GALNT8: variants seen among roughly 807,000 people sequenced by gnomAD.
GALNT8 encodes polypeptide N-acetylgalactosaminyltransferase 8.
GALNT8 carries 66 observed loss-of-function variants against 62.7 expected under a neutral mutation model. The ratio of observed to expected loss-of-function variants is 1.05; its 90% CI spans 0.86 to 1.29. The LOEUF is 1.29. Ranked by LOEUF, GALNT8 falls within the 50% of genes most tolerant of loss-of-function variation. The pLI, the probability that GALNT8 is intolerant of heterozygous loss-of-function variation, is 0.00. For synonymous variants in GALNT8, 288 were observed against 294.3 expected (o/e 0.98, Z 0.22); for missense variants, 771 against 791.8 (o/e 0.97, Z 0.32).
chr12:4,764,102 C>T, intron 9 of GALNT8, 55 bp downstream of exon 9: 1 of 966,178 alleles, frequency 1.0e-6, no homozygotes. Flanking sequence ...TGGCTCAGCC[C>T]CTGGTAACCA....
intron 3 of GALNT8, among the ~76,000 whole-genome samples, chr12:4,740,343 AT>A (rs1946266612): frequency 1.3e-5 from 2 of 152,230 alleles, no homozygotes; most frequent in Admixed American, 1.3e-4. Context: ...AATAATAACC[AT>A]TTTATGAACT....
chr12:4,754,074 TG>T (rs1946333658), intron 6 of GALNT8, among the ~76,000 whole-genome samples: 2 of 152,264 alleles, frequency 1.3e-5, no homozygotes, highest in Admixed American at 1.3e-4. Flanking sequence ...TACCTAAAGC[TG>T]GGGGTGGAGT....
At chr12:4,751,966 A>C (rs1946323963) in intron 6 of GALNT8, among the ~76,000 whole-genome samples, 1 of 152,178 alleles carries the variant, frequency 6.6e-6, no homozygotes. Context: ...AAATTGTTAT[A>C]GCCTCTGGCT....
Position 4,720,524 on chromosome 12 carries a change from C to T in GALNT8, c.-154C>T, listed in dbSNP as rs895146846. On this transcript the variant is annotated 5_prime_UTR_variant, in exon 1 of 11. Transcript: ENST00000252318. ...GAGACTTTGCTCCTCAGAGGCCACC[C>T]GTGGCTTCCCATGGGTGTCTCACAC... is the stretch of plus-strand genomic sequence containing the variant. The T allele has an allele frequency of 6.9e-5, 43 of 624,156 alleles. No homozygotes were observed. The highest frequency in any genetic ancestry group is 5.3e-4 in the African/African-American group (29 of 54,344). 38.7% of individuals were successfully genotyped at this position (624,156 alleles called of 1,614,324 possible). A position where few individuals can be genotyped will look rare whatever the true frequency, so the allele number is the denominator to read the frequency against.
chr12:4,754,176 G>A (rs985280560), intron 6 of GALNT8, among the ~76,000 whole-genome samples: 2 of 152,032 alleles, frequency 1.3e-5, no homozygotes, highest in African/African-American at 4.8e-5. Flanking sequence ...AAGGCCTGCT[G>A]TAACCACTCA....
intron 9 of GALNT8, among the ~76,000 whole-genome samples, chr12:4,764,606 C>T (rs1178206366): frequency 1.4e-5 from 2 of 141,630 alleles, no homozygotes; most frequent in African/African-American, 2.7e-5. Flanking sequence ...TGCAGTGGCG[C>T]GGTCTCAGCT....
chr12:4,745,449 G>T lies in GALNT8; in HGVS notation c.881G>T (p.Arg294Leu). 6.2e-7 allele frequency: 1 copy of T among 1,610,850 alleles called. No homozygotes were observed. Among genetic ancestry groups the T allele is most frequent in the Non-Finnish European group, 8.5e-7 (1 of 1,177,084 alleles). Residue 294 changes from arginine (R) to leucine (L), a missense_variant, in exon 5 of 11, where the codon CGG becomes CTG. Coordinates refer to ENST00000252318, the MANE Select transcript of GALNT8 (RefSeq NM_017417.2). ...NVGWAEPILARIQEDRTVIVS... is the reference protein window; with the variant it reads ...NVGWAEPILALIQEDRTVIVS... ...TCTAGGGCAGAGCCAATCTTGGCTC[G>T]GATTCAGGAGGACCGCACTGTGATT... is the stretch of plus-strand genomic sequence containing the variant.
At position 4,731,569 on chromosome 12, in the gene GALNT8, A is replaced by G. The variant is rs559284010; in HGVS notation, c.509+4740A>G. Among the ~76,000 whole-genome samples the G allele has an allele frequency of 2.0e-5, 3 of 152,308 alleles. No individual in the cohort carries two copies. In the East Asian group the frequency reaches 5.8e-4, roughly 29 times the overall value. ...GCATTCTTGTCTTGTTCCTGACCTTAGAGGAAAAGCTCTCAATTTTTCCTC... is the reference window on the plus strand; with the variant it reads ...GCATTCTTGTCTTGTTCCTGACCTTGGAGGAAAAGCTCTCAATTTTTCCTC... On this transcript the variant is annotated intron_variant, in intron 2 of 10. Transcript: ENST00000252318.
chr12:4,763,956 A>G lies in GALNT8; in HGVS notation c.1502A>G (p.Lys501Arg), dbSNP rs780760383. The G allele has an allele frequency of 2.6e-6, 4 of 1,548,242 alleles. No individual in the cohort carries two copies. The highest frequency in any genetic ancestry group is 3.6e-6 in the Non-Finnish European group (4 of 1,119,312). The change falls in exon 9 of 11, where the codon AAA becomes AGA. Residue 501 changes from lysine (K) to arginine (R), a missense_variant. Physicochemically the swap from Lys to Arg is conservative, Grantham distance 26. Transcript: ENST00000252318. ...CGTGTGTTTTGTCCCCTTCAGATGA[A>G]AAACCTATTGGATGAAAATGTCTGC... is the stretch of plus-strand genomic sequence containing the variant. ...LHTIVGYGRMKNLLDENVCLD... is the reference protein window; with the variant it reads ...LHTIVGYGRMRNLLDENVCLD...
intron 1 of GALNT8, among the ~76,000 whole-genome samples, chr12:4,723,769 T>TC (rs1174392629): frequency 2.0e-5 from 3 of 150,428 alleles, no homozygotes; most frequent in Non-Finnish European, 3.0e-5. Context: ...TTTTTTTTTT[T>TC]CCACAGAGCT....
chr12:4,744,409 C>T, intron 3 of GALNT8, 108 bp from the exon 4 acceptor site: 2 of 707,828 alleles, frequency 2.8e-6, no homozygotes, highest in East Asian at 2.7e-5. Flanking sequence ...TAGAATTGCC[C>T]ATTTTATGCT....
At chr12:4,768,232 T>C (rs1179745019) in intron 10 of GALNT8, among the ~76,000 whole-genome samples, 1 of 152,182 alleles carries the variant, frequency 6.6e-6, no homozygotes, top group African/African-American at 2.4e-5. Context: ...AAGATGCCAA[T>C]TTTCTTAGAT....
rs1438226636 is a variant in GALNT8 at position 4,720,446 on chromosome 12, A to G, written c.-232A>G. ...TGGAAAGCCGCTGAGCAACCTGTGGAAAGCCGCTGAGCGGTTATCCTCTCG... is the reference window on the plus strand; with the variant it reads ...TGGAAAGCCGCTGAGCAACCTGTGGGAAGCCGCTGAGCGGTTATCCTCTCG... On this transcript the variant is annotated 5_prime_UTR_variant, in exon 1 of 11. Transcript: ENST00000252318. The G allele has an allele frequency of 5.6e-6, 3 of 538,436 alleles. No individual in the cohort carries two copies. Among genetic ancestry groups the G allele is most frequent in the Non-Finnish European group, 1.0e-5 (3 of 299,302 alleles). The allele number at this position is 538,436 out of a possible 1,614,324, so 33.4% of individuals were successfully genotyped here.
chr12:4,742,265 T>G (rs1051083377), intron 3 of GALNT8, among the ~76,000 whole-genome samples: 2 of 152,244 alleles, frequency 1.3e-5, no homozygotes, highest in African/African-American at 4.8e-5. Flanking sequence ...GCCTCCTTTC[T>G]GTCTTTCCCT....
rs1430608929 is a variant in GALNT8 at position 4,720,901 on chromosome 12, T to G, written c.211+13T>G. ...TTGCAGGATCTGAGTAAGTTTACAA[T>G]GCTAACCTGGAAGGTGTGTGTGTGG... On this transcript the variant is annotated intron_variant, in intron 1 of 10. Transcript: ENST00000252318. 6.7e-7 allele frequency: 1 copy of G among 1,494,394 alleles called. No individual in the cohort carries two copies. Among genetic ancestry groups the G allele is most frequent in the Non-Finnish European group, 9.3e-7 (1 of 1,071,210 alleles). The allele number at this position is 1,494,394 out of a possible 1,614,324, so 92.6% of individuals were successfully genotyped here.
chr12:4,725,137 G>C (rs538810681), intron 1 of GALNT8, among the ~76,000 whole-genome samples: 4 of 152,350 alleles, frequency 2.6e-5, no homozygotes, highest in Non-Finnish European at 5.9e-5. Context: ...TCCTATGTCA[G>C]AGTGCCTTGA....
intron 3 of GALNT8, among the ~76,000 whole-genome samples, chr12:4,743,651 G>A (rs768525689): frequency 4.7e-4 from 71 of 152,244 alleles, no homozygotes; most frequent in Middle Eastern, 3.4e-3. Context: ...CATCCAGGGC[G>A]TGCCACTTAC....
chr12:4,737,555 A>C (rs1020669440), intron 2 of GALNT8, among the ~76,000 whole-genome samples: 2 of 152,228 alleles, frequency 1.3e-5, no homozygotes, highest in African/African-American at 4.8e-5. Flanking sequence ...GGTCTGCCTG[A>C]AAGAGAAACT....
chr12:4,725,640 C>A (rs1039795688), intron 1 of GALNT8, among the ~76,000 whole-genome samples: 2 of 149,754 alleles, frequency 1.3e-5, no homozygotes, highest in Admixed American at 6.7e-5. Flanking sequence ...ACTGCAACCT[C>A]CACCTCCCGG....
Sources: gnomAD v4.1 joint callset for allele counts (sites outside exome capture counted in the v4.1 genomes callset) on GRCh38, gnomAD v4.1.1 for gene constraint, MANE v1.5 for transcripts, NCBI Gene and HGNC (gene_info 2026-07-23, HGNC 2026-07-21) for gene names.